GABRA1: variants seen among roughly 807,000 people sequenced by gnomAD.
The protein encoded by GABRA1 is gamma-aminobutyric acid receptor subunit alpha-1.
In GABRA1, 9 loss-of-function variants were observed where a neutral mutation model predicts 48.9. The observed-to-expected ratio is 0.18, with a 90% CI of 0.11 to 0.32. GABRA1 has a LOEUF of 0.32. GABRA1 is among the 10% of genes least tolerant of loss of function. GABRA1 has a pLI of 1.00. For synonymous variants in GABRA1, 210 were observed against 198.7 expected, an observed-to-expected ratio of 1.06 and a Z score of -0.48; for missense variants, 285 against 553.8, an observed-to-expected ratio of 0.51 and a Z score of 4.87.
At chr5:161,895,219 C>A (rs1022729040) in intron 8 of GABRA1, among the ~76,000 whole-genome samples, 2 of 152,072 alleles carry the variant, frequency 1.3e-5, no homozygotes, top group African/African-American at 4.8e-5. Context: ...ATCAAAAAGT[C>A]ATTCACTTTC....
Position 161,897,464 on chromosome 5 carries a change from AATTT to A in GABRA1, c.*49_*52del. The A allele has an allele frequency of 6.5e-7, 1 of 1,529,188 alleles. No homozygotes were observed. 94.7% of individuals were successfully genotyped at this position (1,529,188 alleles called of 1,614,324 possible). A position where few individuals can be genotyped will look rare whatever the true frequency, so the allele number is the denominator to read the frequency against. On this transcript the variant is annotated 3_prime_UTR_variant, in exon 10 of 10. Transcript: ENST00000393943. The stretch of plus-strand genomic sequence containing the variant: ...CTGTTGTTCAGTCCTCTGCACTGGG[AATTT>A]ATTTATGTTCTCAACGCAGTAATTC...
intron 3 of GABRA1, among the ~76,000 whole-genome samples, chr5:161,857,521 G>C (rs1004529256): frequency 6.6e-6 from 1 of 151,534 alleles, no homozygotes. Context: ...TTAAAAGACT[G>C]CCTTTTCAGG....
chr5:161,852,493 C>T (rs1469859459), intron 2 of GABRA1, among the ~76,000 whole-genome samples: 1 of 151,990 alleles, frequency 6.6e-6, no homozygotes, highest in African/African-American at 2.4e-5. Context: ...AGATGACCTT[C>T]CAGCATCCTT....
intron 3 of GABRA1, among the ~76,000 whole-genome samples, chr5:161,857,723 A>G (rs958144342): frequency 1.3e-5 from 2 of 151,654 alleles, no homozygotes; most frequent in African/African-American, 2.4e-5. Context: ...TGCAATGTCA[A>G]TGAAGACACT....
At chr5:161,893,706 C>T (rs1333645811) in intron 8 of GABRA1, among the ~76,000 whole-genome samples, 1 of 152,110 alleles carries the variant, frequency 6.6e-6, no homozygotes, top group African/African-American at 2.4e-5. Flanking sequence ...TTCAGTCTCG[C>T]CACCTACCAG....
chr5:161,895,646 G>GTT lies in GABRA1; in HGVS notation c.857-10_857-9dup, dbSNP rs3214859. ...CACAGTATGAACTGGCATCATGTAT[G>GTT]TTTTTTTTTTTCTTTACAGGAGTAA... On this transcript the variant is annotated intron_variant, in intron 8 of 9. Transcript: ENST00000393943. 6.9e-5 allele frequency: 89 copies of GTT among 1,288,578 alleles called. No homozygotes were observed. The highest frequency in any genetic ancestry group is 8.2e-5 in the Non-Finnish European group (76 of 926,134). The allele number at this position is 1,288,578 out of a possible 1,614,324, so 79.8% of individuals were successfully genotyped here. A position where few individuals can be genotyped will look rare whatever the true frequency, so the allele number is the denominator to read the frequency against.
intron 7 of GABRA1, among the ~76,000 whole-genome samples, chr5:161,887,980 G>C (rs1680184534): frequency 6.6e-6 from 1 of 152,134 alleles, no homozygotes; most frequent in African/African-American, 2.4e-5. Context: ...AGAAGGCAAA[G>C]ATTGAAAGCC....
chr5:161,890,710 G>A (rs1351852973), intron 7 of GABRA1, among the ~76,000 whole-genome samples, 188 bp from the exon 8 acceptor site: 1 of 152,088 alleles, frequency 6.6e-6, no homozygotes, highest in African/African-American at 2.4e-5. Flanking sequence ...CATCCTCAGA[G>A]TCATTTTACT....
intron 1 of GABRA1, among the ~76,000 whole-genome samples, chr5:161,849,759 G>A (rs186199907): frequency 1.3e-5 from 2 of 152,278 alleles, no homozygotes; most frequent in Admixed American, 6.5e-5. Context: ...ATTAATTACA[G>A]CACATTAAAA....
intron 6 of GABRA1, chr5:161,882,334 T>C (rs954773764): frequency 1.1e-5 from 6 of 569,846 alleles, no homozygotes; most frequent in African/African-American, 9.4e-5. Context: ...TTTTGTCCTT[T>C]GTAGATCCTT....
chr5:161,866,444 A>G (rs554404496), intron 4 of GABRA1, among the ~76,000 whole-genome samples: 1 of 152,244 alleles, frequency 6.6e-6, no homozygotes, highest in South Asian at 2.1e-4. Flanking sequence ...TGAACTAATA[A>G]CAGCCAAGGT....
chr5:161,878,337 G>T (rs1026658772), intron 6 of GABRA1, among the ~76,000 whole-genome samples: 1 of 152,098 alleles, frequency 6.6e-6, no homozygotes, highest in Non-Finnish European at 1.5e-5. Context: ...GAAGAGGCAG[G>T]GGCAGTCCAT....
At chr5:161,891,165 A>G (rs143553292) in intron 8 of GABRA1, 115 bp downstream of exon 8, 21 of 1,012,828 alleles carry the variant, frequency 2.1e-5, no homozygotes, top group East Asian at 4.9e-5. Flanking sequence ...TTAAGTTCAT[A>G]TAACAGAAAG....
chr5:161,862,871 A>G (rs1757915635), intron 3 of GABRA1, among the ~76,000 whole-genome samples: 1 of 151,940 alleles, frequency 6.6e-6, no homozygotes, highest in Non-Finnish European at 1.5e-5. Context: ...AAGAATAGAG[A>G]CTCAGAGAGA....
chr5:161,878,421 G>A (rs1015032231), intron 6 of GABRA1, among the ~76,000 whole-genome samples: 1 of 152,152 alleles, frequency 6.6e-6, no homozygotes, highest in South Asian at 2.1e-4. Flanking sequence ...GCAAGAATGG[G>A]CTAAAAATAT....
At chr5:161,850,495 T>C (rs1446572923) in intron 1 of GABRA1, 2 of 510,928 alleles carry the variant, frequency 3.9e-6, no homozygotes, top group African/African-American at 1.9e-5. Flanking sequence ...ATTCTAAATA[T>C]AAAACCTAGA....
At chr5:161,856,377 C>A (rs1446054054) in intron 3 of GABRA1, among the ~76,000 whole-genome samples, 1 of 151,256 alleles carries the variant, frequency 6.6e-6, no homozygotes, top group Non-Finnish European at 1.5e-5. Context: ...TAGTAGTTGT[C>A]CAAGTATAGA....
At chr5:161,876,448 C>T (rs1754358406) in intron 6 of GABRA1, among the ~76,000 whole-genome samples, 1 of 152,100 alleles carries the variant, frequency 6.6e-6, no homozygotes, top group East Asian at 1.9e-4. Flanking sequence ...CCTGGACTAC[C>T]TAACCGATTT....
chr5:161,874,859 A>G (rs1161539186), intron 5 of GABRA1, among the ~76,000 whole-genome samples: 1 of 152,204 alleles, frequency 6.6e-6, no homozygotes, highest in African/African-American at 2.4e-5. Context: ...AATATATTTC[A>G]GTGAACTTCT....
Sources: allele counts gnomAD v4.1 joint callset (sites outside exome capture counted in the v4.1 genomes callset), GRCh38; gene constraint gnomAD v4.1.1; transcripts MANE v1.5; gene names NCBI Gene and HGNC (gene_info 2026-07-23, HGNC 2026-07-21).